Variants in ZRANB3 observed in about 807,000 individuals in gnomAD.
The protein encoded by ZRANB3 is zinc finger RANBP2-type containing 3, also known as DNA annealing helicase and endonuclease ZRANB3.
ZRANB3 carries 125 observed loss-of-function variants against 133.8 expected under a neutral mutation model. The observed-to-expected ratio is 0.93, with a 90% confidence interval of 0.81 to 1.08. The LOEUF (loss-of-function observed/expected upper bound fraction) is 1.08. ZRANB3 is among the 50% of genes least tolerant of loss of function. ZRANB3 has a pLI of 0.00. For missense variants in ZRANB3, 1,229 were observed against 1,275.5 expected, an observed-to-expected ratio of 0.96 and a Z score of 0.56; for synonymous variants, 387 against 432.7, an observed-to-expected ratio of 0.89 and a Z score of 1.31.
intron 9 of ZRANB3, among the ~76,000 whole-genome samples, chr2:135,272,825 T>C (rs1032819574): frequency 6.6e-6 from 1 of 152,118 alleles, no homozygotes; most frequent in African/African-American, 2.4e-5. Flanking sequence ...CCGAACATTG[T>C]TGTCTTTAAG....
chr2:135,243,362 A>C (rs1481021745), intron 12 of ZRANB3, among the ~76,000 whole-genome samples: 1 of 152,172 alleles, frequency 6.6e-6, no homozygotes, highest in Non-Finnish European at 1.5e-5. Context: ...AAAAATACAA[A>C]AATTAGCCGT....
chr2:135,505,217 AAAT>A lies in ZRANB3; in HGVS notation c.-7-724_-7-722del, dbSNP rs374152827. ...ATACAACTACACTATAATGCCTATCAAATAATAATATTTTGTATTTAGATGGTA... is the reference window on the plus strand; with the variant it reads ...ATACAACTACACTATAATGCCTATCAAATAATATTTTGTATTTAGATGGTA... On this transcript the variant is annotated intron_variant, in intron 1 of 20. Transcript: ENST00000264159. Among the ~76,000 whole-genome samples the A allele has an allele frequency of 9.1e-4, 139 of 152,234 alleles. 2 individuals are homozygous for A. In the South Asian group the frequency reaches 0.028, roughly 31 times the overall value.
At chr2:135,338,098 C>T (rs968156737) in intron 6 of ZRANB3, among the ~76,000 whole-genome samples, 18 of 152,056 alleles carry the variant, frequency 1.2e-4, no homozygotes, top group Non-Finnish European at 2.2e-4. Flanking sequence ...ATCTGAGTAA[C>T]CCCATTAGTT....
chr2:135,249,654 C>T (rs937488653), intron 12 of ZRANB3, among the ~76,000 whole-genome samples: 1 of 152,174 alleles, frequency 6.6e-6, no homozygotes, highest in Admixed American at 6.5e-5. Context: ...TTTTCCTGCG[C>T]TAGTCTAGTG....
intron 3 of ZRANB3, among the ~76,000 whole-genome samples, chr2:135,386,499 C>A (rs1686981458): frequency 6.6e-6 from 1 of 152,120 alleles, no homozygotes; most frequent in South Asian, 2.1e-4. Flanking sequence ...TGGGTATATA[C>A]CCAAAGGATT....
chr2:135,242,391 G>T (rs2105084263), intron 12 of ZRANB3, among the ~76,000 whole-genome samples: 1 of 152,124 alleles, frequency 6.6e-6, no homozygotes, highest in East Asian at 1.9e-4. Flanking sequence ...AATCAGGAGG[G>T]TAATGGCTTT....
chr2:135,521,747 G>A (rs1453891760), intron 1 of ZRANB3, among the ~76,000 whole-genome samples: 1 of 152,102 alleles, frequency 6.6e-6, no homozygotes, highest in Non-Finnish European at 1.5e-5. Flanking sequence ...ACGGCAGCAA[G>A]TAATCAAAAA....
At chr2:135,307,978 G>A (rs187105746) in intron 8 of ZRANB3, among the ~76,000 whole-genome samples, 1 of 152,246 alleles carries the variant, frequency 6.6e-6, no homozygotes, top group Non-Finnish European at 1.5e-5. Flanking sequence ...ATAGTAGGTT[G>A]TCTCTCTTTC....
In ZRANB3 at chr2:135,523,312, C is replaced by T. The variant is rs575433613; in HGVS notation, c.-8+7815G>A. Among the ~76,000 whole-genome samples, 5 of 152,298 alleles carry T rather than the reference C, an allele frequency of 3.3e-5. No individual in the cohort carries two copies. The South Asian group carries it at 6.2e-4, about 19-fold the overall frequency. Reference sequence around the variant, plus strand: ...ATCACCAAATCCAAGCCATCATCACCGCTCAACAGGATTAGCACAACAGCT... The same window carrying T: ...ATCACCAAATCCAAGCCATCATCACTGCTCAACAGGATTAGCACAACAGCT... On this transcript the variant is annotated intron_variant, in intron 1 of 20. Coordinates refer to ENST00000264159, the MANE Select transcript of ZRANB3 (RefSeq NM_032143.4).
chr2:135,221,616 T>G (rs1558839015), intron 15 of ZRANB3, among the ~76,000 whole-genome samples: 1 of 152,236 alleles, frequency 6.6e-6, no homozygotes, highest in Non-Finnish European at 1.5e-5. Flanking sequence ...GTCCTTTGGT[T>G]TCTCTACCCT....
At chr2:135,502,574 TAA>T (rs1158169107) in intron 2 of ZRANB3, among the ~76,000 whole-genome samples, 1 of 152,170 alleles carries the variant, frequency 6.6e-6, no homozygotes, top group African/African-American at 2.4e-5. Flanking sequence ...ACAGAGATAG[TAA>T]GTGGCTCAGA....
intron 2 of ZRANB3, among the ~76,000 whole-genome samples, chr2:135,405,494 C>T (rs1365437305): frequency 6.6e-6 from 1 of 152,206 alleles, no homozygotes; most frequent in Non-Finnish European, 1.5e-5. Context: ...CAGAACTCTC[C>T]ATCCCAAATG....
At chr2:135,367,065 A>G (rs1225765143) in intron 3 of ZRANB3, among the ~76,000 whole-genome samples, 1 of 152,070 alleles carries the variant, frequency 6.6e-6, no homozygotes, top group African/African-American at 2.4e-5. Context: ...GAACGTTGGC[A>G]CCAATGATTT....
chr2:135,506,698 T>TA (rs766318759), intron 1 of ZRANB3, among the ~76,000 whole-genome samples: 56 of 152,234 alleles, frequency 3.7e-4, no homozygotes, highest in Non-Finnish European at 8.8e-5. Flanking sequence ...TCTCTTCACT[T>TA]AAAGTTCTAT....
At chr2:135,241,365 CTTTT>C (rs398060565) in intron 12 of ZRANB3, among the ~76,000 whole-genome samples, 2 of 126,106 alleles carry the variant, frequency 1.6e-5, no homozygotes, top group Non-Finnish European at 1.8e-5. Flanking sequence ...ATTCTCTGTT[CTTTT>C]TTTTTTTTTT....
At chr2:135,487,128 G>C (rs2104801267) in intron 2 of ZRANB3, among the ~76,000 whole-genome samples, 1 of 152,302 alleles carries the variant, frequency 6.6e-6, no homozygotes. Flanking sequence ...CATTCATCTT[G>C]TATATCTACA....
rs139091031 is a variant in ZRANB3 at position 135,409,035 on chromosome 2, C to T, written c.162-18215G>A. On this transcript the variant is annotated intron_variant, in intron 2 of 20. Transcript: ENST00000264159. ...TTATAAAGAAAAGCAGTTTAGTTGG[C>T]TCATGGTTCTGCAGGCAGTACAATA... 1.2e-4 allele frequency among the ~76,000 whole-genome samples: 18 copies of T among 152,082 alleles called. No homozygotes were observed. In the East Asian group the frequency reaches 3.5e-3, roughly 29 times the overall value.
chr2:135,512,063 C>G, intron 1 of ZRANB3: 1 of 494,424 alleles, frequency 2.0e-6, no homozygotes, highest in Non-Finnish European at 3.7e-6. Context: ...CCTCATGCAA[C>G]TGTGTCCGCA....
chr2:135,468,448 T>A (rs182101741), intron 2 of ZRANB3, among the ~76,000 whole-genome samples: 1 of 152,138 alleles, frequency 6.6e-6, no homozygotes, highest in South Asian at 2.1e-4. Context: ...GTATACTCTA[T>A]GTATTTTCAA....
Sources: gnomAD v4.1 joint callset for allele counts (sites outside exome capture counted in the v4.1 genomes callset) on GRCh38, gnomAD v4.1.1 for gene constraint, MANE v1.5 for transcripts, NCBI Gene and HGNC (gene_info 2026-07-23, HGNC 2026-07-21) for gene names.